Variants in TRMT9B observed in about 807,000 individuals in gnomAD.
TRMT9B encodes tRNA methyltransferase 9B (putative).
In TRMT9B, 16 loss-of-function variants were observed where a neutral mutation model predicts 11.5. That is an observed-to-expected ratio of 1.39 (90% confidence interval 0.94 to 2.11). The LOEUF is 2.11. TRMT9B is among the 30% of genes most tolerant of loss of function. The pLI, the probability that TRMT9B is intolerant of heterozygous loss-of-function variation, is 0.00. For missense variants in TRMT9B, 941 were observed against 553.8 expected, an observed-to-expected ratio of 1.70 and a Z score of -7.02; for synonymous variants, 274 against 192.4, an observed-to-expected ratio of 1.42 and a Z score of -3.51.
intron 3 of TRMT9B, chr8:13,010,669 A>C (rs1188255961): frequency 1.0e-6 from 1 of 984,218 alleles, no homozygotes; most frequent in Non-Finnish European, 1.2e-6. Flanking sequence ...CATTCTAAAG[A>C]TGTATGAGTC....
chr8:12,959,466 GCATT>G (rs1465465713), intron 1 of TRMT9B, among the ~76,000 whole-genome samples: 5 of 142,990 alleles, frequency 3.5e-5, no homozygotes, highest in Non-Finnish European at 6.1e-5. Flanking sequence ...CTGGTCCCAA[GCATT>G]TGTATTTTCC....
chr8:13,017,906 G>A (rs1250335422), intron 4 of TRMT9B, among the ~76,000 whole-genome samples: 1 of 151,766 alleles, frequency 6.6e-6, no homozygotes, highest in Non-Finnish European at 1.5e-5. Flanking sequence ...TTACAGGTGT[G>A]AGGCACCATC....
At chr8:13,007,778 A>G (rs1297938790) in intron 3 of TRMT9B, 1 of 152,228 alleles carries the variant, frequency 6.6e-6, no homozygotes, top group Non-Finnish European at 1.5e-5. Context: ...GGATAACGAC[A>G]TATATAATCA....
At chr8:12,963,622 C>T (rs1802433628) in intron 1 of TRMT9B, among the ~76,000 whole-genome samples, 1 of 151,770 alleles carries the variant, frequency 6.6e-6, no homozygotes. Flanking sequence ...GTGGAGTGTG[C>T]CTGTAGTTCT....
At chr8:13,020,806 A>C (rs1345681846) in intron 4 of TRMT9B, among the ~76,000 whole-genome samples, 1 of 152,218 alleles carries the variant, frequency 6.6e-6, no homozygotes, top group Non-Finnish European at 1.5e-5. Flanking sequence ...CTAATATTAA[A>C]AGTACAGGAG....
At chr8:13,005,309 G>A (rs1472079009) in intron 2 of TRMT9B, among the ~76,000 whole-genome samples, 1 of 152,106 alleles carries the variant, frequency 6.6e-6, no homozygotes, top group Non-Finnish European at 1.5e-5. Context: ...CGGGGAGGTG[G>A]GAGGGAAGTG....
At chr8:13,012,230 CT>C (rs1484920087) in intron 3 of TRMT9B, 1 of 984,668 alleles carries the variant, frequency 1.0e-6, no homozygotes, top group African/African-American at 1.8e-5. Flanking sequence ...TTTTCTTTTG[CT>C]TTTGTGAATA....
intron 2 of TRMT9B, among the ~76,000 whole-genome samples, chr8:12,991,750 T>A (rs1412745994): frequency 6.6e-6 from 1 of 151,990 alleles, no homozygotes; most frequent in Non-Finnish European, 1.5e-5. Context: ...CTGGCCAACA[T>A]GGTGACCCCG....
At chr8:12,989,507 C>A (rs1330530691) in intron 1 of TRMT9B, among the ~76,000 whole-genome samples, 1 of 152,176 alleles carries the variant, frequency 6.6e-6, no homozygotes, top group African/African-American at 2.4e-5. Context: ...ATGCCTCCTA[C>A]TTCTACACTA....
intron 1 of TRMT9B, among the ~76,000 whole-genome samples, chr8:12,976,839 G>A (rs979327059): frequency 3.9e-5 from 6 of 152,114 alleles, no homozygotes; most frequent in Non-Finnish European, 7.3e-5. Context: ...GGAAAGAGCT[G>A]CCCAGCATCA....
Position 13,025,905 on chromosome 8 carries a change from T to G in TRMT9B, c.*3861T>G, listed in dbSNP as rs913787984. 6.0e-6 allele frequency: 1 copy of G among 166,864 alleles called. No homozygotes were observed. Among genetic ancestry groups the G allele is most frequent in the Admixed American group, 6.5e-5 (1 of 15,280 alleles). The allele number at this position is 166,864 out of a possible 1,614,324, so 10.3% of individuals were successfully genotyped here. On this transcript the variant is annotated 3_prime_UTR_variant, in exon 5 of 5. Transcript: ENST00000524591. ...GACCATCAATTCAATAGGCAAAAAT[T>G]TGGAGTAATCCAGAGAAAAAACCAT...
rs2128903905 is a variant in TRMT9B at position 13,022,196 on chromosome 8, A to G, written c.*152A>G. 1.7e-6 allele frequency: 1 copy of G among 592,590 alleles called. No individual in the cohort carries two copies. Among genetic ancestry groups the G allele is most frequent in the Non-Finnish European group, 2.9e-6 (1 of 344,792 alleles). The allele number at this position is 592,590 out of a possible 1,614,324, so 36.7% of individuals were successfully genotyped here. A position where few individuals can be genotyped will look rare whatever the true frequency, so the allele number is the denominator to read the frequency against. On this transcript the variant is annotated 3_prime_UTR_variant, in exon 5 of 5. Transcript: ENST00000524591. ...TTAATTATTTGGTTGTTTTGTTTTC[A>G]TTTTTGAATAAGCACAGATTCTGGC...
At position 13,012,374 on chromosome 8, in the gene TRMT9B, C is replaced by T. The variant is rs557834308; in HGVS notation, c.155-310C>T. 3.9e-3 allele frequency: 2,483 copies of T among 630,770 alleles called. 5 individuals carry two copies. The highest frequency in any genetic ancestry group is 4.7e-3 in the Non-Finnish European group (2,341 of 501,470). 39.1% of individuals were successfully genotyped at this position (630,770 alleles called of 1,614,324 possible). On this transcript the variant is annotated intron_variant, in intron 3 of 4. Coordinates refer to ENST00000524591, the MANE Select transcript of TRMT9B (RefSeq NM_020844.3). ...GGCGGATCACCTGAGGTTGGGAGTT[C>T]GAGACCAACCTGACCAACATGGAGA...
intron 2 of TRMT9B, among the ~76,000 whole-genome samples, chr8:13,005,134 A>G (rs1190221197): frequency 6.6e-6 from 1 of 152,092 alleles, no homozygotes; most frequent in African/African-American, 2.4e-5. Flanking sequence ...TGTCATTCGC[A>G]ATAACATGGA....
Position 13,023,882 on chromosome 8 carries a change from C to T in TRMT9B, c.*1838C>T, listed in dbSNP as rs573891762. 1 of 166,890 alleles carries T rather than the reference C, an allele frequency of 6.0e-6. No homozygotes were observed. Among genetic ancestry groups the T allele is most frequent in the South Asian group, 2.1e-4 (1 of 4,806 alleles). The allele number at this position is 166,890 out of a possible 1,614,324, so 10.3% of individuals were successfully genotyped here. ...GATGTTTATAACTCTCTTTTGGCTT[C>T]AAAATAAGATTGTGTTATCACCATT... On this transcript the variant is annotated 3_prime_UTR_variant, in exon 5 of 5. Transcript: ENST00000524591.
intron 4 of TRMT9B, among the ~76,000 whole-genome samples, chr8:13,019,924 A>T (rs1330859964): frequency 1.3e-5 from 2 of 152,204 alleles, no homozygotes; most frequent in African/African-American, 4.8e-5. Context: ...CATGGTAGAG[A>T]TACCAAGGTT....
rs1276340621 is a variant in TRMT9B, at chr8:13,022,165, A to G, written c.*121A>G. ...AATCCATTTACGCTTTGGTCTGCAG[A>G]GACTATTAATTATTTGGTTGTTTTG... On this transcript the variant is annotated 3_prime_UTR_variant, in exon 5 of 5. Coordinates refer to ENST00000524591, the MANE Select transcript of TRMT9B (RefSeq NM_020844.3). 1.5e-6 allele frequency: 1 copy of G among 683,784 alleles called. No individual in the cohort carries two copies. Among genetic ancestry groups the G allele is most frequent in the South Asian group, 2.4e-5 (1 of 41,636 alleles). 42.4% of individuals were successfully genotyped at this position (683,784 alleles called of 1,614,324 possible). A position where few individuals can be genotyped will look rare whatever the true frequency, so the allele number is the denominator to read the frequency against.
At position 13,010,551 on chromosome 8, in the gene TRMT9B, T is replaced by C. The variant is rs183087491; in HGVS notation, c.155-2133T>C. On this transcript the variant is annotated intron_variant, in intron 3 of 4. Coordinates refer to ENST00000524591, the MANE Select transcript of TRMT9B (RefSeq NM_020844.3). ...TTCAAGATTTAAACATGAAGGCCATTAGAAATGAATAGGGGCAAATCAAGA... is the reference window on the plus strand; with the variant it reads ...TTCAAGATTTAAACATGAAGGCCATCAGAAATGAATAGGGGCAAATCAAGA... 9 of 985,168 alleles carry C rather than the reference T, an allele frequency of 9.1e-6. No homozygotes were observed. In the East Asian group the frequency reaches 7.9e-4, roughly 87 times the overall value. 61.0% of individuals were successfully genotyped at this position (985,168 alleles called of 1,614,324 possible).
intron 1 of TRMT9B, among the ~76,000 whole-genome samples, chr8:12,963,790 C>G (rs1802457913): frequency 6.6e-6 from 1 of 152,198 alleles, no homozygotes; most frequent in Admixed American, 6.5e-5. Flanking sequence ...AAACCTTGTG[C>G]AATGGCTACT....
Sources: gnomAD v4.1 joint callset for allele counts (sites outside exome capture counted in the v4.1 genomes callset) on GRCh38, gnomAD v4.1.1 for gene constraint, MANE v1.5 for transcripts, NCBI Gene and HGNC (gene_info 2026-07-23, HGNC 2026-07-21) for gene names.